Variants in SLC30A7 observed in about 807,000 individuals in gnomAD.
SLC30A7 encodes zinc transporter 7.
A neutral mutation model predicts 46.0 loss-of-function variants in SLC30A7; 35 were observed. The ratio of observed to expected loss-of-function variants is 0.76; its 90% CI spans 0.58 to 1.01. The LOEUF (loss-of-function observed/expected upper bound fraction) is 1.01. SLC30A7 is among the 50% of genes least tolerant of loss of function. The pLI, the probability that SLC30A7 is intolerant of heterozygous loss-of-function variation, is 0.00. For synonymous variants in SLC30A7, 147 were observed against 157.8 expected (o/e 0.93, Z 0.51); for missense variants, 464 against 451.1 (o/e 1.03, Z -0.26).
intron 8 of SLC30A7, among the ~76,000 whole-genome samples, chr1:100,951,935 A>G (rs1654978015): frequency 6.6e-6 from 1 of 152,212 alleles, no homozygotes; most frequent in African/African-American, 2.4e-5. Context: ...AGTGGGCCCA[A>G]TATAATAAAA....
At chr1:100,915,173 TTTTTC>T (rs1241140954) in intron 6 of SLC30A7, among the ~76,000 whole-genome samples, 16 of 149,426 alleles carry the variant, frequency 1.1e-4, no homozygotes, top group African/African-American at 3.7e-4. Context: ...CTTCTTTTCT[TTTTTC>T]TTTTCTTTTC....
At chr1:100,902,192 G>T (rs1370846214) in intron 2 of SLC30A7, among the ~76,000 whole-genome samples, 2 of 152,098 alleles carry the variant, frequency 1.3e-5, no homozygotes, top group East Asian at 3.9e-4. Context: ...TGTTTTAAGA[G>T]AACATAATGT....
intron 8 of SLC30A7, among the ~76,000 whole-genome samples, chr1:100,931,784 C>T (rs1384895159): frequency 2.6e-5 from 4 of 152,144 alleles, no homozygotes; most frequent in Non-Finnish European, 5.9e-5. Context: ...TACCATCTTC[C>T]AATCAGAGTT....
chr1:100,974,647 T>C (rs565180067), intron 10 of SLC30A7, among the ~76,000 whole-genome samples, 163 bp from the exon 11 acceptor site: 1 of 152,112 alleles, frequency 6.6e-6, no homozygotes, highest in African/African-American at 2.4e-5. Flanking sequence ...TAGTGGTAAA[T>C]GGAGATTATT....
At position 100,974,787 on chromosome 1, in the gene SLC30A7, C is replaced by CT. The variant is rs533106530; in HGVS notation, c.1084-13dup. On this transcript the variant is annotated intron_variant, in intron 10 of 10. Transcript: ENST00000357650. ...GTTATTAGCTTGTTAGATTTTCTAA[C>CT]TTTTTTTTTTCTTACTTTTCAGGCT... 4.6e-3 allele frequency: 6,476 copies of CT among 1,408,482 alleles called. 1 individual carries two copies. The highest frequency in any genetic ancestry group is 9.8e-3 in the South Asian group (728 of 74,454). The allele number at this position is 1,408,482 out of a possible 1,614,324, so 87.2% of individuals were successfully genotyped here.
At chr1:100,989,891 T>TA in the SLC30A7 span, 3 of 154,214 alleles carry the variant, frequency 1.9e-5, no homozygotes, top group African/African-American at 7.2e-5. Context: ...GATGATATCA[T>TA]AGGGAAAAAA....
chr1:100,920,017 T>G (rs1194250895), intron 7 of SLC30A7, among the ~76,000 whole-genome samples: 1 of 152,102 alleles, frequency 6.6e-6, no homozygotes, highest in East Asian at 1.9e-4. Context: ...AGTGATTTTT[T>G]TCTTAAACAG....
the SLC30A7 span, chr1:100,990,279 A>G: frequency 7.3e-6 from 6 of 823,500 alleles, no homozygotes; most frequent in South Asian, 1.7e-5. Flanking sequence ...CCATGATTCA[A>G]TTACCTACCA....
chr1:100,900,738 A>G (rs993428725), intron 2 of SLC30A7, among the ~76,000 whole-genome samples: 1 of 152,174 alleles, frequency 6.6e-6, no homozygotes, highest in Non-Finnish European at 1.5e-5. Context: ...TAATTTCCTG[A>G]TAATAAATTG....
At chr1:100,964,470 C>G (rs1655761171) in intron 9 of SLC30A7, among the ~76,000 whole-genome samples, 1 of 150,944 alleles carries the variant, frequency 6.6e-6, no homozygotes, top group Non-Finnish European at 1.5e-5. Context: ...GTATCGTCTT[C>G]CTTTCCCTAG....
In SLC30A7 at chr1:100,911,073, G is replaced by A; in HGVS notation, c.307G>A (p.Ala103Thr). ...NDAFSYGYVR[A>T]EVLAGFVNGL... ...TTTGTTCCTCTTTAGGTATGTTAGA[G>A]CGGAAGTTCTGGCTGGCTTTGTCAA... Residue 103 changes from alanine (A) to threonine (T), a missense_variant, in exon 4 of 11, where the codon GCG (alanine) becomes ACG (threonine). Ala to Thr is a moderately conservative substitution (Grantham distance 58, BLOSUM62 0). Coordinates refer to ENST00000357650, the MANE Select transcript of SLC30A7 (RefSeq NM_133496.5). 1 of 1,610,440 alleles carries A rather than the reference G, an allele frequency of 6.2e-7. No homozygotes were observed. The highest frequency in any genetic ancestry group is 2.2e-5 in the East Asian group (1 of 44,752).
chr1:100,902,224 G>C (rs1239079892), intron 2 of SLC30A7, among the ~76,000 whole-genome samples: 1 of 152,130 alleles, frequency 6.6e-6, no homozygotes, highest in African/African-American at 2.4e-5. Context: ...AGAAGAGGGA[G>C]TAGTTTTTCA....
intron 2 of SLC30A7, among the ~76,000 whole-genome samples, chr1:100,901,332 CT>C (rs1469002199): frequency 6.6e-6 from 1 of 152,100 alleles, no homozygotes; most frequent in African/African-American, 2.4e-5. Context: ...TTGTTTTTGC[CT>C]CCAATAGACC....
At chr1:100,983,037 C>T (rs1176677612), downstream of SLC30A7, among the ~76,000 whole-genome samples, 1 of 152,190 alleles carries the variant, frequency 6.6e-6, no homozygotes, top group Non-Finnish European at 1.5e-5. Context: ...CCATGTTAAA[C>T]TGGTCTTGCT....
At chr1:100,896,789 C>T (rs2100995184) in intron 2 of SLC30A7, 118 bp downstream of exon 2, 1 of 827,252 alleles carries the variant, frequency 1.2e-6, no homozygotes, top group Non-Finnish European at 2.0e-6. Flanking sequence ...TGTTACCTAC[C>T]TCTGCTGCTG....
At chr1:100,899,452 TTTA>T (rs1364978930) in intron 2 of SLC30A7, among the ~76,000 whole-genome samples, 1 of 152,236 alleles carries the variant, frequency 6.6e-6, no homozygotes, top group African/African-American at 2.4e-5. Context: ...CATTTACTAA[TTTA>T]TTGTTGAGTA....
chr1:100,944,711 A>G (rs1217679110), intron 8 of SLC30A7, among the ~76,000 whole-genome samples: 4 of 139,508 alleles, frequency 2.9e-5, no homozygotes, highest in Non-Finnish European at 6.0e-5. Context: ...TCTATCATTG[A>G]TGGACATTTG....
At chr1:100,966,394 T>A (rs1655876130) in intron 10 of SLC30A7, among the ~76,000 whole-genome samples, 1 of 147,244 alleles carries the variant, frequency 6.8e-6, no homozygotes, top group Non-Finnish European at 1.5e-5. Context: ...CCATCCTGGC[T>A]AATACAGTGA....
chr1:100,935,625 A>T (rs1570553021), intron 8 of SLC30A7, among the ~76,000 whole-genome samples: 1 of 152,330 alleles, frequency 6.6e-6, no homozygotes, highest in East Asian at 1.9e-4. Flanking sequence ...GCCAACTTTG[A>T]TGATGGCTTG....
Sources: gnomAD v4.1 joint callset for allele counts (sites outside exome capture counted in the v4.1 genomes callset) on GRCh38, gnomAD v4.1.1 for gene constraint, MANE v1.5 for transcripts, NCBI Gene and HGNC (gene_info 2026-07-23, HGNC 2026-07-21) for gene names.